Variants in CTNNA3 observed in about 807,000 individuals in gnomAD.
CTNNA3 encodes the protein catenin alpha 3.
Under a neutral mutation model 95.7 loss-of-function variants are expected in CTNNA3, and 76 were observed. The ratio of observed to expected loss-of-function variants is 0.79; its 90% CI spans 0.66 to 0.96. CTNNA3 has a LOEUF of 0.96. CTNNA3 is among the 40% of genes least tolerant of loss of function. The pLI, the probability that CTNNA3 is intolerant of heterozygous loss-of-function variation, is 0.00. For missense variants in CTNNA3, 1,191 were observed against 1,089.8 expected (o/e 1.09, Z -1.31); for synonymous variants, 431 against 374.4 (o/e 1.15, Z -1.74).
At chr10:67,218,221 A>G (rs775346988) in intron 6 of CTNNA3, among the ~76,000 whole-genome samples, 1 of 152,068 alleles carries the variant, frequency 6.6e-6, no homozygotes, top group African/African-American at 2.4e-5. Flanking sequence ...CACACTCGGC[A>G]CTCCCCAGAT....
intron 5 of CTNNA3, among the ~76,000 whole-genome samples, chr10:67,448,309 T>C (rs943558421): frequency 1.3e-5 from 2 of 152,192 alleles, no homozygotes; most frequent in Admixed American, 6.5e-5. Context: ...CATTTATAGA[T>C]TTATGCAACT....
At chr10:67,557,773 G>T (rs1247943334) in intron 3 of CTNNA3, among the ~76,000 whole-genome samples, 1 of 152,264 alleles carries the variant, frequency 6.6e-6, no homozygotes, top group East Asian at 1.9e-4. Context: ...ATTAAGGCAG[G>T]AACATCAACC....
At chr10:66,453,062 A>G (rs1436795935) in intron 11 of CTNNA3, among the ~76,000 whole-genome samples, 1 of 151,936 alleles carries the variant, frequency 6.6e-6, no homozygotes, top group Non-Finnish European at 1.5e-5. Flanking sequence ...AAAAATACAA[A>G]AAAAAATTGT....
intron 15 of CTNNA3, among the ~76,000 whole-genome samples, chr10:65,989,064 C>G (rs1243565265): frequency 6.6e-6 from 1 of 152,066 alleles, no homozygotes; most frequent in East Asian, 1.9e-4. Flanking sequence ...TCTTAGCCCC[C>G]CGAAGAGCTG....
intron 13 of CTNNA3, among the ~76,000 whole-genome samples, chr10:66,218,530 G>C (rs1487373488): frequency 1.3e-5 from 2 of 152,190 alleles, no homozygotes; most frequent in Non-Finnish European, 2.9e-5. Flanking sequence ...ACTTGAAAGT[G>C]AATCGTTCAG....
chr10:67,236,441 C>T (rs1865460794), intron 5 of CTNNA3, among the ~76,000 whole-genome samples: 1 of 144,742 alleles, frequency 6.9e-6, no homozygotes, highest in African/African-American at 2.6e-5. Flanking sequence ...TATTCTCACT[C>T]ATAGGTGGGA....
intron 11 of CTNNA3, among the ~76,000 whole-genome samples, chr10:66,427,282 T>C (rs1005411923): frequency 6.6e-6 from 1 of 151,908 alleles, no homozygotes; most frequent in Non-Finnish European, 1.5e-5. Flanking sequence ...ATGTGTTTCT[T>C]GATTTTTATC....
intron 12 of CTNNA3, among the ~76,000 whole-genome samples, chr10:66,300,505 A>T (rs1428960188): frequency 1.3e-5 from 2 of 151,996 alleles, no homozygotes; most frequent in Non-Finnish European, 2.9e-5. Flanking sequence ...GTACTGTCTT[A>T]AACAAGTGAT....
chr10:67,109,490 C>T (rs1327261856), intron 7 of CTNNA3, among the ~76,000 whole-genome samples: 1 of 152,126 alleles, frequency 6.6e-6, no homozygotes, highest in African/African-American at 2.4e-5. Context: ...TTAAGATGAA[C>T]CAAAGTAGTA....
intron 15 of CTNNA3, among the ~76,000 whole-genome samples, chr10:66,036,359 G>T (rs538138381): frequency 3.3e-5 from 5 of 151,864 alleles, no homozygotes; most frequent in South Asian, 2.1e-4. Flanking sequence ...GGACCACCAG[G>T]TTTTTTTTGT....
At chr10:67,752,387 G>A (rs1401761767) in intron 1 of CTNNA3, among the ~76,000 whole-genome samples, 2 of 152,066 alleles carry the variant, frequency 1.3e-5, no homozygotes, top group East Asian at 3.9e-4. Context: ...GGCAAAAGCT[G>A]GAAGCATTCC....
chr10:66,036,879 T>A (rs1196191835), intron 15 of CTNNA3, among the ~76,000 whole-genome samples: 25 of 139,642 alleles, frequency 1.8e-4, no homozygotes, highest in African/African-American at 6.5e-4. Flanking sequence ...TTTTTTTTTT[T>A]TTTTTTTTTT....
chr10:66,695,286 G>A (rs1589136561), intron 9 of CTNNA3, among the ~76,000 whole-genome samples: 1 of 152,122 alleles, frequency 6.6e-6, no homozygotes, highest in Non-Finnish European at 1.5e-5. Context: ...AATAAAACAA[G>A]CAAGGCTGGG....
chr10:67,579,857 GA>G (rs1398320557), intron 3 of CTNNA3, among the ~76,000 whole-genome samples: 5 of 152,126 alleles, frequency 3.3e-5, no homozygotes, highest in Non-Finnish European at 7.4e-5. Flanking sequence ...GTCTTCTTTT[GA>G]GAAGTGTCTG....
chr10:65,951,890 C>T (rs2077621844), intron 17 of CTNNA3, among the ~76,000 whole-genome samples: 1 of 151,940 alleles, frequency 6.6e-6, no homozygotes, highest in Admixed American at 6.6e-5. Context: ...ATTAGCCGGG[C>T]GTGATGGCGG....
Position 67,742,655 on chromosome 10 carries a change from G to A in CTNNA3, c.-2+20779C>T, listed in dbSNP as rs1478356108. Among the ~76,000 whole-genome samples the A allele has an allele frequency of 2.0e-5, 3 of 150,530 alleles. No individual in the cohort carries two copies. The Admixed American group carries it at 2.0e-4, about 10-fold the overall frequency. On this transcript the variant is annotated intron_variant, in intron 1 of 17. Coordinates refer to the CTNNA3 transcript ENST00000684154. ...AAGGCAAGAAATAACTAAGATCAGA[G>A]CAGAACTGAAGGAAATAGAGACACA...
intron 9 of CTNNA3, among the ~76,000 whole-genome samples, chr10:66,714,997 T>C (rs1848408112): frequency 6.6e-6 from 1 of 152,118 alleles, no homozygotes; most frequent in African/African-American, 2.4e-5. Flanking sequence ...TTTTGAAATA[T>C]TGTGAAGCAA....
At chr10:67,029,482 G>A (rs981034911) in intron 7 of CTNNA3, among the ~76,000 whole-genome samples, 20 of 152,078 alleles carry the variant, frequency 1.3e-4, no homozygotes, top group Admixed American at 3.3e-4. Context: ...CATGATAACC[G>A]GTGGGTACTC....
At chr10:66,851,789 T>G (rs1589333033) in intron 7 of CTNNA3, among the ~76,000 whole-genome samples, 1 of 152,162 alleles carries the variant, frequency 6.6e-6, no homozygotes, top group Non-Finnish European at 1.5e-5. Context: ...TGCAGAACTA[T>G]GAGCCAGTTA....
Sources: allele counts gnomAD v4.1 joint callset (sites outside exome capture counted in the v4.1 genomes callset), GRCh38; gene constraint gnomAD v4.1.1; transcripts MANE v1.5; gene names NCBI Gene and HGNC (gene_info 2026-07-23, HGNC 2026-07-21).